The following TLCD4 variants were observed in gnomAD, a reference collection of about 807,000 sequenced individuals.
The protein encoded by TLCD4 is TLC domain containing 4, also known as TLC domain-containing protein 4.
Under a neutral mutation model 24.2 loss-of-function variants are expected in TLCD4, and 7 were observed. The ratio of observed to expected loss-of-function variants is 0.29; its 90% CI spans 0.16 to 0.54. The LOEUF is 0.54. TLCD4 is among the 20% of genes least tolerant of loss of function. The probability of loss-of-function intolerance (pLI) is 0.95; values close to 1 mark genes in which losing one functional copy is unlikely to be tolerated. For missense variants in TLCD4, 259 were observed against 313.9 expected (o/e 0.82, Z 1.32); for synonymous variants, 103 against 106.4 (o/e 0.97, Z 0.20).
At chr1:95,104,557 C>T in the TLCD4 span, among the ~76,000 whole-genome samples, 3 of 149,950 alleles carry the variant, frequency 2.0e-5, no homozygotes, top group African/African-American at 2.5e-5. Flanking sequence ...CCCAGCTACT[C>T]GGGAGGCTGA....
At position 95,148,732 on chromosome 1, in the gene TLCD4, T is replaced by A. The variant is rs1182751939; in HGVS notation, c.186T>A (p.Val62=). 1 of 1,613,634 alleles carries A rather than the reference T, an allele frequency of 6.2e-7. No homozygotes were observed. The highest frequency in any genetic ancestry group is 2.2e-5 in the East Asian group (1 of 44,830). ...RVVSTCHSLV[V]GIFGLYIFLF... is the part of the protein sequence containing the mutation. ...TATCCACATGCCATTCTTTGGTGGT[T>A]GGTATTTTTGGCCTGTACATTTTCT... Residue 62 remains valine (V), a synonymous_variant, in exon 3 of 7, where the codon GTT becomes GTA. Coordinates refer to ENST00000370203, the MANE Select transcript of TLCD4 (RefSeq NM_152487.3).
intron 5 of TLCD4, among the ~76,000 whole-genome samples, chr1:95,162,883 T>A (rs541552522): frequency 4.6e-5 from 7 of 152,332 alleles, no homozygotes; most frequent in African/African-American, 7.2e-5. Flanking sequence ...TGTTAGTCTG[T>A]TGGGCTTCCC....
intron 3 of TLCD4, among the ~76,000 whole-genome samples, chr1:95,149,627 A>G (rs1475056531): frequency 2.0e-5 from 3 of 152,194 alleles, no homozygotes; most frequent in African/African-American, 7.2e-5. Context: ...ATTTAATTCC[A>G]TGACTAGGTT....
chr1:95,105,593 A>C, the TLCD4 span, among the ~76,000 whole-genome samples: 4 of 152,150 alleles, frequency 2.6e-5, no homozygotes, highest in Non-Finnish European at 5.9e-5. Context: ...AATAGAGACT[A>C]ATTAGAAAGG....
upstream of TLCD4, among the ~76,000 whole-genome samples, chr1:95,115,103 T>TATATATATATAG (rs1676405542): frequency 6.8e-6 from 1 of 147,784 alleles, no homozygotes; most frequent in Non-Finnish European, 1.5e-5. Context: ...TATATATATA[T>TATATATATATAG]ATAATATATA....
chr1:95,098,703 G>T, the TLCD4 span, among the ~76,000 whole-genome samples: 1 of 152,138 alleles, frequency 6.6e-6, no homozygotes. Flanking sequence ...ATGAATTGTG[G>T]TCTTGCGTCT....
In TLCD4 at chr1:95,194,989, A is replaced by G. The variant is rs1679146584; in HGVS notation, c.*3121A>G. 1 of 152,204 alleles carries G rather than the reference A, an allele frequency of 6.6e-6. No individual in the cohort carries two copies. Among genetic ancestry groups the G allele is most frequent in the Admixed American group, 6.5e-5 (1 of 15,278 alleles). The allele number at this position is 152,204 out of a possible 1,614,324, so 9.4% of individuals were successfully genotyped here. ...TATTTCATGGACTAGCCTTACGTTA[A>G]GTGAAATACTATTTATGTTGTTACC... On this transcript the variant is annotated 3_prime_UTR_variant, in exon 7 of 7. Coordinates refer to ENST00000370203, the MANE Select transcript of TLCD4 (RefSeq NM_152487.3).
At chr1:95,158,247 GC>G (rs1033819842) in intron 5 of TLCD4, among the ~76,000 whole-genome samples, 12 of 148,972 alleles carry the variant, frequency 8.1e-5, no homozygotes, top group African/African-American at 2.7e-4. Context: ...GAGTGCAGTG[GC>G]ACTGTCAGGG....
intron 1 of TLCD4, among the ~76,000 whole-genome samples, chr1:95,128,866 AAGAT>A (rs1456206118): frequency 6.6e-6 from 1 of 152,308 alleles, no homozygotes; most frequent in East Asian, 1.9e-4. Context: ...TGTACAAGGA[AAGAT>A]AGGATTATGA....
intron 6 of TLCD4, among the ~76,000 whole-genome samples, chr1:95,189,342 G>A (rs1288149831): frequency 6.6e-6 from 1 of 152,102 alleles, no homozygotes; most frequent in Non-Finnish European, 1.5e-5. Context: ...TCATGCATTT[G>A]TAACAGTTAA....
intron 5 of TLCD4, among the ~76,000 whole-genome samples, chr1:95,160,320 T>C (rs1393778773): frequency 6.6e-6 from 1 of 152,190 alleles, no homozygotes; most frequent in Non-Finnish European, 1.5e-5. Context: ...CTGTTATTGG[T>C]GTATAGGAAT....
intron 5 of TLCD4, chr1:95,163,159 C>G (rs1677885105): frequency 6.6e-6 from 1 of 152,086 alleles, no homozygotes; most frequent in African/African-American, 2.4e-5. Flanking sequence ...TAGATTTGGT[C>G]TCTTCACATA....
At chr1:95,099,255 C>T in the TLCD4 span, among the ~76,000 whole-genome samples, 2 of 111,848 alleles carry the variant, frequency 1.8e-5, no homozygotes. Flanking sequence ...TGGTGAAACC[C>T]CCTCTCTACT....
chr1:95,187,577 A>G (rs576409816), intron 6 of TLCD4, among the ~76,000 whole-genome samples: 21 of 152,238 alleles, frequency 1.4e-4, no homozygotes, highest in Admixed American at 1.2e-3. Flanking sequence ...CTCATCACAC[A>G]TATTAGGACT....
intron 5 of TLCD4, among the ~76,000 whole-genome samples, chr1:95,170,330 CTT>C (rs10664436): frequency 4.7e-5 from 6 of 126,614 alleles, no homozygotes; most frequent in Admixed American, 8.6e-5. Flanking sequence ...ACAAATCATT[CTT>C]TTTTTTTTTT....
At chr1:95,172,350 A>G (rs1678259121) in intron 5 of TLCD4, among the ~76,000 whole-genome samples, 1 of 152,234 alleles carries the variant, frequency 6.6e-6, no homozygotes, top group Admixed American at 6.5e-5. Context: ...TATAACAGAA[A>G]ACTAGTATAG....
chr1:95,133,839 C>T (rs915147187), intron 1 of TLCD4, among the ~76,000 whole-genome samples: 3 of 151,954 alleles, frequency 2.0e-5, no homozygotes, highest in Admixed American at 1.3e-4. Flanking sequence ...GTTCTGGACT[C>T]ATTGCTGAGT....
chr1:95,104,656 TC>T, the TLCD4 span, among the ~76,000 whole-genome samples: 2 of 32,432 alleles, frequency 6.2e-5, no homozygotes, highest in Non-Finnish European at 2.0e-4. Flanking sequence ...ACAGCGAGAC[TC>T]CGTCTCAAAA....
At chr1:95,153,423 A>G (rs938463831) in intron 5 of TLCD4, among the ~76,000 whole-genome samples, 1 of 152,190 alleles carries the variant, frequency 6.6e-6, no homozygotes, top group Non-Finnish European at 1.5e-5. Context: ...GAAAGGCTTC[A>G]TCCTAACTAT....
Sources: allele counts gnomAD v4.1 joint callset (sites outside exome capture counted in the v4.1 genomes callset), GRCh38; gene constraint gnomAD v4.1.1; transcripts MANE v1.5; gene names NCBI Gene and HGNC (gene_info 2026-07-23, HGNC 2026-07-21).